The following ARHGAP10 variants were observed in gnomAD, a reference collection of about 807,000 sequenced individuals.
ARHGAP10 encodes the protein rho GTPase-activating protein 10.
In ARHGAP10, 87 loss-of-function variants were observed where a neutral mutation model predicts 108.6. The ratio of observed to expected loss-of-function variants is 0.80; its 90% confidence interval spans 0.67 to 0.96. The LOEUF (loss-of-function observed/expected upper bound fraction) is 0.96. Ranked by LOEUF, ARHGAP10 falls within the 40% of genes least tolerant of loss-of-function variation. ARHGAP10 has a pLI of 0.00. For missense variants in ARHGAP10, 939 were observed against 954.5 expected (o/e 0.98, Z 0.21); for synonymous variants, 347 against 341.1 (o/e 1.02, Z -0.19).
intron 10 of ARHGAP10, among the ~76,000 whole-genome samples, chr4:147,882,557 A>AT (rs1351154797): frequency 1.1e-4 from 16 of 152,292 alleles, no homozygotes; most frequent in African/African-American, 3.8e-4. Context: ...TGGGTGACAA[A>AT]GCTAAAAAGG....
At chr4:148,025,766 T>C (rs1435494036) in intron 19 of ARHGAP10, among the ~76,000 whole-genome samples, 1 of 152,180 alleles carries the variant, frequency 6.6e-6, no homozygotes, top group African/African-American at 2.4e-5. Context: ...TTGAATCATA[T>C]AATTGTCAAA....
chr4:147,735,350 T>C (rs1002637161), intron 1 of ARHGAP10, among the ~76,000 whole-genome samples: 1 of 152,260 alleles, frequency 6.6e-6, no homozygotes, highest in Non-Finnish European at 1.5e-5. Flanking sequence ...ACAAGTATTC[T>C]AACTTTTCCA....
chr4:147,946,336 T>A, intron 14 of ARHGAP10: 1 of 340,112 alleles, frequency 2.9e-6, no homozygotes, highest in Non-Finnish European at 5.2e-6. Context: ...TGAATTACAT[T>A]GTGGATGTTG....
At chr4:147,869,804 G>A (rs1734726480) in intron 7 of ARHGAP10, among the ~76,000 whole-genome samples, 1 of 151,634 alleles carries the variant, frequency 6.6e-6, no homozygotes, top group Non-Finnish European at 1.5e-5. Context: ...TTAGCTTTTA[G>A]CTAATTTTTT....
intron 1 of ARHGAP10, among the ~76,000 whole-genome samples, chr4:147,743,655 T>C (rs1307801186): frequency 6.6e-6 from 1 of 152,158 alleles, no homozygotes; most frequent in Non-Finnish European, 1.5e-5. Context: ...TGCATGCCTG[T>C]AATCCCAGCT....
chr4:147,791,139 T>C (rs1272130915), intron 1 of ARHGAP10, among the ~76,000 whole-genome samples: 6 of 147,098 alleles, frequency 4.1e-5, no homozygotes, highest in Non-Finnish European at 8.9e-5. Flanking sequence ...TGAGACAGAG[T>C]CTCTCTTTGT....
chr4:148,001,976 A>ATCCC (rs1740740850), intron 18 of ARHGAP10, among the ~76,000 whole-genome samples: 1 of 152,188 alleles, frequency 6.6e-6, no homozygotes. Flanking sequence ...GAGAGAGGGC[A>ATCCC]TCCCTGTCTT....
chr4:147,857,788 A>G, intron 5 of ARHGAP10, 134 bp downstream of exon 5: 1 of 769,342 alleles, frequency 1.3e-6, no homozygotes, highest in Non-Finnish European at 1.8e-6. Context: ...AGGTATTGTC[A>G]TAAATTAAGA....
chr4:147,881,736 TA>T (rs1449017917), intron 9 of ARHGAP10, 101 bp from the exon 10 acceptor site: 5 of 926,368 alleles, frequency 5.4e-6, no homozygotes, highest in Non-Finnish European at 8.3e-6. Context: ...GAGAAGGACT[TA>T]AGATCTTGAA....
At chr4:147,798,765 CTCTCTCTCTCTCTCTCTATATATATATA>C (rs1342717331) in intron 1 of ARHGAP10, among the ~76,000 whole-genome samples, 127 of 8,742 alleles carry the variant, frequency 0.015, no homozygotes, top group Non-Finnish European at 0.043. Flanking sequence ...CTCTCTCTCT[CTCTCTCTCTCTCTCTCTATATATATATA>C]TATATATATA....
chr4:147,798,769 CTCTCTCTCTCTCTATATATATA>C (rs1211277480), intron 1 of ARHGAP10, among the ~76,000 whole-genome samples: 17 of 5,590 alleles, frequency 3.0e-3, no homozygotes, highest in East Asian at 0.019. Flanking sequence ...CTCTCTCTCT[CTCTCTCTCTCTCTATATATATA>C]TATATATATA....
intron 18 of ARHGAP10, among the ~76,000 whole-genome samples, chr4:147,984,851 A>C (rs1278785921): frequency 6.6e-6 from 1 of 152,152 alleles, no homozygotes; most frequent in East Asian, 1.9e-4. Flanking sequence ...CAATCTGTGG[A>C]GTGCACAGTG....
intron 10 of ARHGAP10, among the ~76,000 whole-genome samples, chr4:147,903,714 C>A (rs2126904497): frequency 6.6e-6 from 1 of 152,274 alleles, no homozygotes; most frequent in Non-Finnish European, 1.5e-5. Flanking sequence ...AGTGTGTAGA[C>A]TTTTCAGATA....
chr4:147,826,596 A>C (rs1264710427), intron 3 of ARHGAP10, among the ~76,000 whole-genome samples: 12 of 152,166 alleles, frequency 7.9e-5, no homozygotes, highest in Non-Finnish European at 1.8e-4. Flanking sequence ...AATTTCAAAC[A>C]TGTACCAAAG....
chr4:147,768,501 TA>T (rs568130833), intron 1 of ARHGAP10, among the ~76,000 whole-genome samples: 42 of 145,474 alleles, frequency 2.9e-4, no homozygotes, highest in Admixed American at 6.9e-4. Context: ...TCTCCCTAAT[TA>T]AAAAAAAAAA....
At chr4:147,756,606 C>T (rs550167200) in intron 1 of ARHGAP10, among the ~76,000 whole-genome samples, 5 of 152,278 alleles carry the variant, frequency 3.3e-5, no homozygotes, top group African/African-American at 1.2e-4. Context: ...CCATCCTGCT[C>T]CATCCCACCT....
chr4:147,784,189 T>C (rs933822902), intron 1 of ARHGAP10, among the ~76,000 whole-genome samples: 4 of 92,704 alleles, frequency 4.3e-5, no homozygotes, highest in African/African-American at 1.6e-4. Context: ...TACATAACAT[T>C]AAATTGTGTA....
chr4:147,781,337 C>T (rs982790390), intron 1 of ARHGAP10, among the ~76,000 whole-genome samples: 23 of 152,042 alleles, frequency 1.5e-4, no homozygotes, highest in African/African-American at 5.1e-4. Context: ...GTGTGGCAAC[C>T]GTTTAATTTT....
intron 10 of ARHGAP10, among the ~76,000 whole-genome samples, chr4:147,889,097 A>C (rs1467369329): frequency 1.3e-5 from 2 of 152,334 alleles, no homozygotes; most frequent in East Asian, 3.9e-4. Flanking sequence ...AACGAAATTG[A>C]ATTGTTGCTC....
Sources: gnomAD v4.1 joint callset for allele counts (sites outside exome capture counted in the v4.1 genomes callset) on GRCh38, gnomAD v4.1.1 for gene constraint, MANE v1.5 for transcripts, NCBI Gene and HGNC (gene_info 2026-07-23, HGNC 2026-07-21) for gene names.